The following ADGRG6 variants were observed in gnomAD, a reference collection of about 807,000 sequenced individuals.
ADGRG6 encodes G-protein coupled receptor 126.
In ADGRG6, 84 loss-of-function variants were observed where a neutral mutation model predicts 142.4. That is an observed-to-expected ratio of 0.59 (90% CI 0.49 to 0.71). The LOEUF is 0.71. ADGRG6 is among the 30% of genes least tolerant of loss of function. The pLI, the probability that ADGRG6 is intolerant of heterozygous loss-of-function variation, is 0.00. For missense variants in ADGRG6, 1,367 were observed against 1,466.6 expected, an observed-to-expected ratio of 0.93 and a Z score of 1.11; for synonymous variants, 521 against 520.5, an observed-to-expected ratio of 1.00 and a Z score of -0.01.
At chr6:142,320,341 G>T (rs1181904050) in intron 2 of ADGRG6, among the ~76,000 whole-genome samples, 1 of 152,054 alleles carries the variant, frequency 6.6e-6, no homozygotes, top group African/African-American at 2.4e-5. Context: ...ATCTATGTTG[G>T]ATTTGATTTA....
Position 142,419,982 on chromosome 6 carries a change from A to G in ADGRG6, c.3197A>G (p.Asn1066Ser), listed in dbSNP as rs749733597. Reference sequence around the variant, plus strand: ...ACCCTGAGAGAAGAAGTGTTAAGGAACCTGCGCAGTGTGGTTAGCTTGACC... The same window carrying G: ...ACCCTGAGAGAAGAAGTGTTAAGGAGCCTGCGCAGTGTGGTTAGCTTGACC... ...NRTLREEVLR[N>S]LRSVVSLTFL... Residue 1066 changes from asparagine (N) to serine (S), a missense_variant, in exon 22 of 25, where the codon AAC becomes AGC. Asn to Ser is a conservative substitution (Grantham distance 46). This residue lies in a region of ADGRG6 where 344 missense variants were observed against 348.7 expected (regional missense o/e 0.99). Coordinates refer to ENST00000367609, the MANE Select transcript of ADGRG6 (RefSeq NM_198569.3). 6.2e-7 allele frequency: 1 copy of G among 1,613,398 alleles called. No homozygotes were observed.
chr6:142,384,644 T>C (rs769718534), intron 6 of ADGRG6, among the ~76,000 whole-genome samples: 1 of 152,128 alleles, frequency 6.6e-6, no homozygotes, highest in African/African-American at 2.4e-5. Flanking sequence ...AATACAGTAA[T>C]ATTCTCAAAT....
rs1245163257 is a variant in ADGRG6, at chr6:142,445,052, A to G, written c.*1537A>G. 4 of 152,206 alleles carry G rather than the reference A, an allele frequency of 2.6e-5. No homozygotes were observed. The highest frequency in any genetic ancestry group is 1.3e-4 in the Admixed American group (2 of 15,254). 9.4% of individuals were successfully genotyped at this position (152,206 alleles called of 1,614,324 possible). On this transcript the variant is annotated 3_prime_UTR_variant, in exon 25 of 25. Coordinates refer to ENST00000367609, the MANE Select transcript of ADGRG6 (RefSeq NM_198569.3). ...AGATATGGGAGAGCTTTTAGGCTACACAGCAACCCAAGGGACCTCTCACCT... is the reference window on the plus strand; with the variant it reads ...AGATATGGGAGAGCTTTTAGGCTACGCAGCAACCCAAGGGACCTCTCACCT...
chr6:142,318,062 T>TAA (rs1778239757), intron 2 of ADGRG6, among the ~76,000 whole-genome samples: 1 of 47,488 alleles, frequency 2.1e-5, no homozygotes, highest in East Asian at 1.1e-3. Context: ...TATATTTATA[T>TAA]TATATATATT....
At chr6:142,339,632 T>A (rs1444868128) in intron 2 of ADGRG6, among the ~76,000 whole-genome samples, 2 of 152,182 alleles carry the variant, frequency 1.3e-5, no homozygotes, top group Admixed American at 1.3e-4. Flanking sequence ...CATGCAGTGC[T>A]CTGTTACACT....
intron 2 of ADGRG6, among the ~76,000 whole-genome samples, chr6:142,337,799 C>T (rs938683193): frequency 6.6e-6 from 1 of 151,638 alleles, no homozygotes; most frequent in Admixed American, 6.6e-5. Flanking sequence ...ATATTTTAAC[C>T]TTTATATTTA....
At chr6:142,335,437 G>GA (rs1431450387) in intron 2 of ADGRG6, among the ~76,000 whole-genome samples, 2 of 152,168 alleles carry the variant, frequency 1.3e-5, no homozygotes, top group African/African-American at 2.4e-5. Context: ...GGGAGCACAA[G>GA]AAAGCCTTTT....
intron 22 of ADGRG6, among the ~76,000 whole-genome samples, chr6:142,427,151 C>A (rs1021028403): frequency 6.6e-6 from 1 of 152,148 alleles, no homozygotes; most frequent in Non-Finnish European, 1.5e-5. Flanking sequence ...ATGGCATTAT[C>A]TTTTATATAC....
At position 142,443,369 on chromosome 6, in the gene ADGRG6, C is replaced by G; in HGVS notation, c.3607C>G (p.Leu1203Val). The G allele has an allele frequency of 6.2e-7, 1 of 1,612,244 alleles. No individual in the cohort carries two copies. The change falls in exon 25 of 25, where the codon CTG becomes GTG. Residue 1203 changes from leucine to valine, a missense_variant. Physicochemically the swap from Leu to Val is conservative, Grantham distance 32. Coordinates refer to ENST00000367609, the MANE Select transcript of ADGRG6 (RefSeq NM_198569.3). ...SASMDKSLSK[L>V]AHADGDQTSI... Reference sequence around the variant, plus strand: ...TTCCATGGACAAGTCCTTGTCAAAACTGGCCCATGCTGATGGAGATCAAAC... The same window carrying G: ...TTCCATGGACAAGTCCTTGTCAAAAGTGGCCCATGCTGATGGAGATCAAAC...
chr6:142,310,041 G>C (rs1037495465), intron 2 of ADGRG6, among the ~76,000 whole-genome samples: 1 of 151,752 alleles, frequency 6.6e-6, no homozygotes, highest in Non-Finnish European at 1.5e-5. Context: ...TACAGACTTT[G>C]CTAGTTTCAT....
At chr6:142,430,107 G>A (rs1428409644) in intron 22 of ADGRG6, among the ~76,000 whole-genome samples, 1 of 152,076 alleles carries the variant, frequency 6.6e-6, no homozygotes. Context: ...TTATGCTCAT[G>A]ACCTGATTAA....
chr6:142,425,906 G>A (rs777682286), intron 22 of ADGRG6, among the ~76,000 whole-genome samples: 5 of 152,110 alleles, frequency 3.3e-5, no homozygotes, highest in East Asian at 3.9e-4. Context: ...ATTTTTAAAC[G>A]CATTAGATCT....
At chr6:142,326,512 G>C (rs1778787209) in intron 2 of ADGRG6, among the ~76,000 whole-genome samples, 2 of 150,448 alleles carry the variant, frequency 1.3e-5, no homozygotes. Context: ...CAGACTCTTG[G>C]CTTTTTTTTT....
At chr6:142,437,079 G>T (rs534309577) in intron 22 of ADGRG6, among the ~76,000 whole-genome samples, 1 of 152,258 alleles carries the variant, frequency 6.6e-6, no homozygotes, top group South Asian at 2.1e-4. Flanking sequence ...AAATATGTAT[G>T]GAAAGTTTTA....
At chr6:142,376,448 T>C (rs1186870294) in intron 4 of ADGRG6, among the ~76,000 whole-genome samples, 2 of 152,220 alleles carry the variant, frequency 1.3e-5, no homozygotes, top group Non-Finnish European at 2.9e-5. Context: ...TACTTTATTG[T>C]TATTCTTTTC....
chr6:142,321,565 T>C (rs977108727), intron 2 of ADGRG6, among the ~76,000 whole-genome samples: 3 of 152,020 alleles, frequency 2.0e-5, no homozygotes, highest in Non-Finnish European at 4.4e-5. Context: ...TAGGGTTCTC[T>C]AAAACATGTT....
intron 23 of ADGRG6, among the ~76,000 whole-genome samples, chr6:142,437,848 T>G (rs1777558248): frequency 6.7e-6 from 1 of 150,262 alleles, no homozygotes; most frequent in Non-Finnish European, 1.5e-5. Context: ...CCACATTTTC[T>G]AGATCCGCAA....
chr6:142,410,440 A>G (rs1418842289), intron 17 of ADGRG6, among the ~76,000 whole-genome samples: 1 of 152,056 alleles, frequency 6.6e-6, no homozygotes, highest in African/African-American at 2.4e-5. Flanking sequence ...TTGACAATCA[A>G]GAAAGGAAGG....
chr6:142,391,621 C>G (rs1774904823), intron 7 of ADGRG6, among the ~76,000 whole-genome samples: 1 of 151,634 alleles, frequency 6.6e-6, no homozygotes. Flanking sequence ...AGGTGAAATC[C>G]TCTACTGAAA....
Sources: allele counts gnomAD v4.1 joint callset (sites outside exome capture counted in the v4.1 genomes callset), GRCh38; gene constraint gnomAD v4.1.1; regional missense constraint gnomAD v4.1.1; transcripts MANE v1.5; gene names NCBI Gene and HGNC (gene_info 2026-07-23, HGNC 2026-07-21).